Variants in FUCA1 observed in about 807,000 individuals in gnomAD.
The protein encoded by FUCA1 is tissue alpha-L-fucosidase.
FUCA1 carries 52 observed loss-of-function variants against 56.8 expected under a neutral mutation model. That is an observed-to-expected ratio of 0.92 (90% CI 0.73 to 1.15). The LOEUF (loss-of-function observed/expected upper bound fraction) is 1.15. FUCA1 is among the 50% of genes most tolerant of loss of function. The pLI is 0.00. For missense variants in FUCA1, 568 were observed against 592.6 expected (o/e 0.96, Z 0.43); for synonymous variants, 230 against 226.6 (o/e 1.02, Z -0.14).
In FUCA1 at chr1:23,848,771, C is replaced by G. The variant is rs778451235; in HGVS notation, c.1038G>C (p.Leu346=). ...GCCTTTCTTGGAAGATGGGAACAAT[C>G]AGTCCATCTTTAGTTGGTCCAATGT... ...LLNIGPTKDG[L]IVPIFQERLL... Residue 346 remains leucine, a synonymous_variant, in exon 6 of 8, where the codon CTG becomes CTC. Transcript: ENST00000374479. 6.2e-7 allele frequency: 1 copy of G among 1,614,124 alleles called. No homozygotes were observed. Among genetic ancestry groups the G allele is most frequent in the African/African-American group, 1.3e-5 (1 of 75,064 alleles).
intron 2 of FUCA1, 127 bp downstream of exon 2, chr1:23,865,364 A>T (rs1432329055): frequency 1.6e-6 from 2 of 1,222,612 alleles, no homozygotes; most frequent in South Asian, 2.5e-5. Flanking sequence ...ACAGGAGTAG[A>T]AGGCCAAAAG....
chr1:23,859,281 A>T (rs1639457622), intron 4 of FUCA1, among the ~76,000 whole-genome samples: 2 of 151,976 alleles, frequency 1.3e-5, no homozygotes, highest in Non-Finnish European at 2.9e-5. Flanking sequence ...GAACTAAAGG[A>T]GATTGCCGGG....
intron 6 of FUCA1, among the ~76,000 whole-genome samples, chr1:23,847,162 T>G (rs904832706): frequency 6.6e-6 from 1 of 152,184 alleles, no homozygotes; most frequent in Non-Finnish European, 1.5e-5. Context: ...CTATCTATTT[T>G]CCCTACCAAT....
At chr1:23,860,828 A>G (rs1345338916) in intron 3 of FUCA1, among the ~76,000 whole-genome samples, 3 of 151,534 alleles carry the variant, frequency 2.0e-5, no homozygotes, top group Non-Finnish European at 4.4e-5. Flanking sequence ...CAGTACAGAC[A>G]GTGTTTTGCC....
intron 4 of FUCA1, among the ~76,000 whole-genome samples, chr1:23,858,734 G>A (rs1489272897): frequency 6.6e-6 from 1 of 152,134 alleles, no homozygotes; most frequent in Non-Finnish European, 1.5e-5. Context: ...TAGGTTTTGT[G>A]TATCTTATAT....
chr1:23,858,289 G>C (rs893066791), intron 4 of FUCA1, among the ~76,000 whole-genome samples: 5 of 151,712 alleles, frequency 3.3e-5, no homozygotes, highest in East Asian at 1.9e-4. Flanking sequence ...GGATGGTCTC[G>C]ATCTCCTGAC....
At chr1:23,865,725 AC>A in intron 1 of FUCA1, 100 bp from the exon 2 acceptor site, 1 of 1,294,152 alleles carries the variant, frequency 7.7e-7, no homozygotes, top group Non-Finnish European at 1.1e-6. Flanking sequence ...AAAGAACTTG[AC>A]CACAACAAAT....
In FUCA1 at chr1:23,865,580, C is replaced by A; in HGVS notation, c.435G>T (p.Trp145Cys). The change falls in exon 2 of 8, where the codon TGG becomes TGT. Residue 145 changes from tryptophan (W) to cysteine (C), a missense_variant. Transcript: ENST00000374479. ...TTKHHEGFTN[W>C]PSPVSWNWNS... The stretch of plus-strand genomic sequence containing the variant: ...TCCAGTTCCAAGACACAGGACTCGG[C>A]CAGTTTGTGAAGCCTTCGTGATGCT... 1 of 1,614,212 alleles carries A rather than the reference C, an allele frequency of 6.2e-7. No homozygotes were observed. Among genetic ancestry groups the A allele is most frequent in the East Asian group, 2.2e-5 (1 of 44,890 alleles).
chr1:23,867,558 CCA>C lies in FUCA1; in HGVS notation c.389+338_389+339del, dbSNP rs1043260065. Among the ~76,000 whole-genome samples the C allele has an allele frequency of 1.1e-3, 162 of 152,176 alleles. No homozygotes were observed. The highest frequency in any genetic ancestry group is 3.2e-3 in the African/African-American group (132 of 41,510). Reference sequence around the variant, plus strand: ...TTCACAGTTGAATTAGAACCAGGCTCCACACCACTGATTTGAAACCCTGGAGT... The same window carrying C: ...TTCACAGTTGAATTAGAACCAGGCTCCACCACTGATTTGAAACCCTGGAGT... On this transcript the variant is annotated intron_variant, in intron 1 of 7. Transcript: ENST00000374479. The surrounding 1 kb of genome is among the most constrained non-coding windows in gnomAD (Gnocchi z 4.9).
intron 7 of FUCA1, 108 bp downstream of exon 7, chr1:23,845,966 C>A (rs1253651115): frequency 6.5e-7 from 1 of 1,527,360 alleles, no homozygotes; most frequent in African/African-American, 1.4e-5. Flanking sequence ...GAAAGCCAGT[C>A]TAAAAGAGGT....
intron 3 of FUCA1, among the ~76,000 whole-genome samples, chr1:23,860,308 G>A (rs938706753): frequency 1.3e-5 from 2 of 152,132 alleles, no homozygotes; most frequent in African/African-American, 4.8e-5. Context: ...AGCAGGCTGG[G>A]CACAGTGGCT....
chr1:23,856,038 A>C (rs2148443771), intron 4 of FUCA1, among the ~76,000 whole-genome samples: 1 of 152,318 alleles, frequency 6.6e-6, no homozygotes, highest in South Asian at 2.1e-4. Flanking sequence ...CAAGATTATC[A>C]AGGGCTTTGA....
chr1:23,861,289 C>G (rs926326169), intron 3 of FUCA1, among the ~76,000 whole-genome samples: 2 of 134,070 alleles, frequency 1.5e-5, no homozygotes, highest in African/African-American at 5.7e-5. Context: ...CGCCACTGTA[C>G]TCCAGCCTGG....
chr1:23,852,402 A>C (rs1639280386), intron 5 of FUCA1, among the ~76,000 whole-genome samples: 1 of 151,688 alleles, frequency 6.6e-6, no homozygotes. Context: ...TGCCTGCATG[A>C]CAGAGCAAGA....
At chr1:23,846,275 CTTT>C (rs11456086) in intron 6 of FUCA1, 102 bp from the exon 7 acceptor site, 327 of 667,642 alleles carry the variant, frequency 4.9e-4, no homozygotes, top group Middle Eastern at 7.0e-4. Context: ...CTTTTCTTTT[CTTT>C]TTTTTTTTTT....
rs143691289 is a variant in FUCA1, at chr1:23,865,613, C to G, written c.402G>C (p.Leu134Phe). 4.1e-3 allele frequency: 6,565 copies of G among 1,614,196 alleles called. 22 individuals are homozygous for G. The highest frequency in any genetic ancestry group is 4.3e-3 in the Non-Finnish European group (5,084 of 1,180,040). Reference sequence around the variant, plus strand: ...TGAAGCCTTCGTGATGCTTTGTCGTCAAAACTACATACCTGTGGACAGCAA... The same window carrying G: ...TGAAGCCTTCGTGATGCTTTGTCGTGAAAACTACATACCTGTGGACAGCAA... The part of the protein sequence containing the change: ...FQAAGAKYVV[L>F]TTKHHEGFTN... The change falls in exon 2 of 8, where the codon TTG becomes TTC. Residue 134 changes from leucine to phenylalanine, a missense_variant. Physicochemically the swap from Leu to Phe is conservative, Grantham distance 22 (BLOSUM62 0). Transcript: ENST00000374479.
intron 4 of FUCA1, among the ~76,000 whole-genome samples, chr1:23,858,772 C>A (rs1348149548): frequency 6.6e-6 from 1 of 151,996 alleles, no homozygotes; most frequent in Non-Finnish European, 1.5e-5. Flanking sequence ...TTTTTGGAGA[C>A]AGGGTTTCAC....
chr1:23,854,432 A>G lies in FUCA1; in HGVS notation c.897T>C (p.Ile299=). Residue 299 remains isoleucine, a synonymous_variant, in exon 5 of 8, where the codon ATT becomes ATC. Coordinates refer to ENST00000374479, the MANE Select transcript of FUCA1 (RefSeq NM_000147.5). The part of the protein sequence containing the change: ...PDHKWEMCTS[I]DKFSWGYRRD... ...GACGATAGCCCCAGGAAAACTTGTC[A>G]ATGCTGGTGCACATCTCCCACTTGT... The G allele has an allele frequency of 6.2e-7, 1 of 1,614,168 alleles. No homozygotes were observed. Among genetic ancestry groups the G allele is most frequent in the Non-Finnish European group, 8.5e-7 (1 of 1,180,026 alleles).
chr1:23,864,557 G>A (rs1331204166), intron 2 of FUCA1, among the ~76,000 whole-genome samples: 1 of 152,074 alleles, frequency 6.6e-6, no homozygotes, highest in Non-Finnish European at 1.5e-5. Flanking sequence ...ATGACCCAGG[G>A]ACTAAATAAA....
Sources: gnomAD v4.1 joint callset for allele counts (sites outside exome capture counted in the v4.1 genomes callset) on GRCh38, gnomAD v4.1.1 for gene constraint, Gnocchi (gnomAD v3.1) non-coding constraint, MANE v1.5 for transcripts, NCBI Gene and HGNC (gene_info 2026-07-23, HGNC 2026-07-21) for gene names.